Variants in ADCY2 observed in about 807,000 individuals in gnomAD.
ADCY2 encodes adenylate cyclase type 2.
A neutral mutation model predicts 125.2 loss-of-function variants in ADCY2; 31 were observed. The ratio of observed to expected loss-of-function variants is 0.25; its 90% CI spans 0.19 to 0.33. The LOEUF is 0.33. ADCY2 is among the 10% of genes least tolerant of loss of function. The probability of loss-of-function intolerance (pLI) is 1.00; values close to 1 mark genes in which losing one functional copy is unlikely to be tolerated. For missense variants in ADCY2, 904 were observed against 1,418.2 expected, an observed-to-expected ratio of 0.64 and a Z score of 5.82; for synonymous variants, 512 against 548.4, an observed-to-expected ratio of 0.93 and a Z score of 0.93.
intron 3 of ADCY2, among the ~76,000 whole-genome samples, chr5:7,530,699 C>T (rs1429592409): frequency 6.6e-6 from 1 of 152,132 alleles, no homozygotes; most frequent in Non-Finnish European, 1.5e-5. Flanking sequence ...TGATTTCATT[C>T]ATCCTCAGAA....
chr5:7,517,285 A>T (rs1744285203), intron 2 of ADCY2, among the ~76,000 whole-genome samples: 1 of 152,170 alleles, frequency 6.6e-6, no homozygotes, highest in South Asian at 2.1e-4. Flanking sequence ...CTCTGGACAG[A>T]GGTACATCTA....
At chr5:7,463,526 A>G (rs574347661) in intron 2 of ADCY2, among the ~76,000 whole-genome samples, 10 of 151,974 alleles carry the variant, frequency 6.6e-5, no homozygotes, top group Middle Eastern at 6.8e-3. Flanking sequence ...GATCAGTTCA[A>G]TTCCAAAGCT....
At chr5:7,641,850 T>G (rs2892634) in intron 4 of ADCY2, among the ~76,000 whole-genome samples, 38,052 of 110,130 alleles carry the variant, frequency 0.35, 6,326 homozygotes, top group Non-Finnish European at 0.44. Flanking sequence ...TGGAAAGGAC[T>G]GATTTTATTC....
intron 11 of ADCY2, among the ~76,000 whole-genome samples, chr5:7,713,691 C>T (rs1741511660): frequency 6.6e-6 from 1 of 151,996 alleles, no homozygotes; most frequent in Admixed American, 6.6e-5. Flanking sequence ...TCCTTTTTTC[C>T]CCTGTTCCTC....
chr5:7,594,667 G>T (rs1484286460), intron 3 of ADCY2, among the ~76,000 whole-genome samples: 1 of 152,150 alleles, frequency 6.6e-6, no homozygotes, highest in Admixed American at 6.5e-5. Flanking sequence ...GATGAGAGCA[G>T]GGGACTTGTC....
chr5:7,470,775 A>T (rs1006360332), intron 2 of ADCY2, among the ~76,000 whole-genome samples: 15 of 151,528 alleles, frequency 9.9e-5, no homozygotes, highest in African/African-American at 3.6e-4. Context: ...TGTTCTGTAA[A>T]GGAATTAGGG....
At chr5:7,507,158 A>G (rs1371350872) in intron 2 of ADCY2, among the ~76,000 whole-genome samples, 1 of 150,600 alleles carries the variant, frequency 6.6e-6, no homozygotes, top group Admixed American at 6.6e-5. Context: ...AATGGTAACA[A>G]AGGCCGGGCG....
chr5:7,774,717 G>A (rs931121386), intron 18 of ADCY2, among the ~76,000 whole-genome samples: 6 of 152,088 alleles, frequency 3.9e-5, no homozygotes, highest in African/African-American at 7.2e-5. Flanking sequence ...ATTTGCGCTC[G>A]GTTTGTCTTT....
At chr5:7,459,629 C>A (rs762430874) in intron 2 of ADCY2, among the ~76,000 whole-genome samples, 1 of 151,698 alleles carries the variant, frequency 6.6e-6, no homozygotes, top group Non-Finnish European at 1.5e-5. Flanking sequence ...GCCTTAACTC[C>A]AAAATTAAAC....
intron 3 of ADCY2, among the ~76,000 whole-genome samples, chr5:7,528,821 C>G (rs1734554090): frequency 6.6e-6 from 1 of 152,166 alleles, no homozygotes. Flanking sequence ...TCTGCTCATT[C>G]CAAATGTTTG....
intron 3 of ADCY2, among the ~76,000 whole-genome samples, chr5:7,580,266 C>T (rs1343939778): frequency 1.3e-5 from 2 of 151,984 alleles, no homozygotes; most frequent in Admixed American, 6.5e-5. Flanking sequence ...ATAAAGTTAA[C>T]ATTACTTTTT....
rs376787503 is a variant in ADCY2 at position 7,758,066 on chromosome 5, C to T, written c.2094+480C>T. On this transcript the variant is annotated intron_variant, in intron 16 of 24. Coordinates refer to ENST00000338316, the MANE Select transcript of ADCY2 (RefSeq NM_020546.3). ...GTCCTGCCCTGGAGTTTAAATGATG[C>T]GATTGCAACCCCTTGCTCCCCGTCT... Among the ~76,000 whole-genome samples the T allele has an allele frequency of 6.6e-5, 10 of 152,268 alleles. No individual in the cohort carries two copies. In the East Asian group the frequency reaches 1.5e-3, roughly 24 times the overall value.
At chr5:7,803,916 A>T (rs992430613) in intron 21 of ADCY2, among the ~76,000 whole-genome samples, 31 of 148,200 alleles carry the variant, frequency 2.1e-4, no homozygotes, top group South Asian at 4.2e-4. Flanking sequence ...ATATATATAT[A>T]TTTTTATATA....
At chr5:7,401,678 T>G (rs1053693143) in intron 1 of ADCY2, among the ~76,000 whole-genome samples, 5 of 152,212 alleles carry the variant, frequency 3.3e-5, no homozygotes, top group African/African-American at 1.2e-4. Flanking sequence ...TGGCTGTGCT[T>G]TTGTTGTCTG....
At chr5:7,572,963 G>A (rs1484874134) in intron 3 of ADCY2, among the ~76,000 whole-genome samples, 1 of 152,046 alleles carries the variant, frequency 6.6e-6, no homozygotes, top group Non-Finnish European at 1.5e-5. Context: ...GGTTAAACAA[G>A]GTCTTTAGGG....
chr5:7,701,211 A>G (rs949787737), intron 7 of ADCY2, among the ~76,000 whole-genome samples: 21 of 152,072 alleles, frequency 1.4e-4, no homozygotes, highest in Middle Eastern at 3.2e-3. Context: ...TTCCTTTTCA[A>G]TTAGTTGTGG....
chr5:7,514,508 T>C (rs1414816759), intron 2 of ADCY2, among the ~76,000 whole-genome samples: 1 of 152,222 alleles, frequency 6.6e-6, no homozygotes, highest in African/African-American at 2.4e-5. Flanking sequence ...ATCTAAACCC[T>C]GGTTTGCTTA....
intron 3 of ADCY2, among the ~76,000 whole-genome samples, chr5:7,581,837 A>G (rs1381057153): frequency 6.7e-6 from 1 of 149,462 alleles, no homozygotes; most frequent in Non-Finnish European, 1.5e-5. Flanking sequence ...AAAAAAAAAG[A>G]AAAAGAAAAA....
intron 4 of ADCY2, among the ~76,000 whole-genome samples, chr5:7,664,218 G>A (rs77785004): frequency 0.014 from 2,085 of 152,256 alleles, 26 homozygotes; most frequent in Non-Finnish European, 0.019. Context: ...GGACCAAATA[G>A]CCTAAAGGAC....
Sources: gnomAD v4.1 joint callset for allele counts (sites outside exome capture counted in the v4.1 genomes callset) on GRCh38, gnomAD v4.1.1 for gene constraint, MANE v1.5 for transcripts, NCBI Gene and HGNC (gene_info 2026-07-23, HGNC 2026-07-21) for gene names.